CLEC6A: variants seen among roughly 807,000 people sequenced by gnomAD.
CLEC6A encodes the protein C-type lectin domain family 6 member A.
Under a neutral mutation model 25.7 loss-of-function variants are expected in CLEC6A, and 22 were observed. The observed-to-expected ratio is 0.85, with a 90% CI of 0.61 to 1.22. The LOEUF is 1.22. Ranked by LOEUF, CLEC6A falls within the 50% of genes most tolerant of loss-of-function variation. The pLI, the probability that CLEC6A is intolerant of heterozygous loss-of-function variation, is 0.00. For missense variants in CLEC6A, 240 were observed against 236.8 expected (o/e 1.01, Z -0.09); for synonymous variants, 92 against 76.7 (o/e 1.20, Z -1.04).
chr12:8,465,731 A>G (rs1199312373), intron 4 of CLEC6A, 102 bp downstream of exon 4: 3 of 922,540 alleles, frequency 3.3e-6, no homozygotes, highest in East Asian at 2.9e-5. Flanking sequence ...AGCATTTACT[A>G]TTTTCACATT....
At chr12:8,457,245 C>A (rs1302702872) in intron 1 of CLEC6A, among the ~76,000 whole-genome samples, 2 of 152,136 alleles carry the variant, frequency 1.3e-5, no homozygotes, top group African/African-American at 2.4e-5. Context: ...CCTTCCTGGC[C>A]TCTGGTAACC....
intron 4 of CLEC6A, among the ~76,000 whole-genome samples, chr12:8,469,499 C>G (rs1939877125): frequency 6.6e-6 from 1 of 151,670 alleles, no homozygotes; most frequent in African/African-American, 2.4e-5. Context: ...GCAAAAAGAA[C>G]AGATCTGGAG....
At chr12:8,466,509 T>C (rs7312713) in intron 4 of CLEC6A, among the ~76,000 whole-genome samples, 117,571 of 152,108 alleles carry the variant, frequency 0.77, 45,906 homozygotes, top group East Asian at 0.99. Context: ...AGCAAGAGTA[T>C]CCAAGGGTCT....
rs4509824 is a variant in CLEC6A at position 8,478,202 on chromosome 12, T to A, written c.*738T>A. Reference sequence around the variant, plus strand: ...AGCATTTCTTGTTACCCAAATCTAATCTATTCCTGAAAATATGATGGTTAG... The same window carrying A: ...AGCATTTCTTGTTACCCAAATCTAAACTATTCCTGAAAATATGATGGTTAG... On this transcript the variant is annotated 3_prime_UTR_variant, in exon 6 of 6. Coordinates refer to ENST00000382073, the MANE Select transcript of CLEC6A (RefSeq NM_001007033.2). The A allele has an allele frequency of 6.6e-6, 1 of 151,872 alleles. No homozygotes were observed. Among genetic ancestry groups the A allele is most frequent in the African/African-American group, 2.4e-5 (1 of 41,378 alleles). The allele number at this position is 151,872 out of a possible 1,614,324, so 9.4% of individuals were successfully genotyped here.
At chr12:8,468,035 A>G (rs1038578487) in intron 4 of CLEC6A, among the ~76,000 whole-genome samples, 5 of 151,882 alleles carry the variant, frequency 3.3e-5, no homozygotes, top group Non-Finnish European at 7.4e-5. Flanking sequence ...TCTGCCTCCC[A>G]GGTTCAAATG....
intron 5 of CLEC6A, among the ~76,000 whole-genome samples, chr12:8,476,497 A>G (rs903329610): frequency 6.6e-6 from 1 of 152,124 alleles, no homozygotes; most frequent in Admixed American, 6.6e-5. Context: ...CTCCATGTCT[A>G]TCTGATTCCA....
At chr12:8,463,702 T>C (rs1939793046) in intron 3 of CLEC6A, among the ~76,000 whole-genome samples, 1 of 152,252 alleles carries the variant, frequency 6.6e-6, no homozygotes, top group African/African-American at 2.4e-5. Flanking sequence ...TCAGTAGTTA[T>C]TTGCTTTCTC....
At chr12:8,467,588 T>C (rs1939849353) in intron 4 of CLEC6A, among the ~76,000 whole-genome samples, 2 of 152,212 alleles carry the variant, frequency 1.3e-5, no homozygotes, top group South Asian at 4.1e-4. Flanking sequence ...CTTCGATTAC[T>C]GTAGCTTTGG....
intron 4 of CLEC6A, among the ~76,000 whole-genome samples, chr12:8,472,363 G>A (rs2136365235): frequency 6.6e-6 from 1 of 152,268 alleles, no homozygotes; most frequent in Middle Eastern, 3.4e-3. Context: ...AATATGTTGT[G>A]TTTCCTATTA....
intron 3 of CLEC6A, among the ~76,000 whole-genome samples, chr12:8,460,149 T>G (rs764904514): frequency 2.6e-4 from 40 of 152,238 alleles, no homozygotes; most frequent in Non-Finnish European, 5.1e-4. Context: ...TAACTTCATA[T>G]GCGGAGAGTT....
At chr12:8,476,081 TG>T in intron 4 of CLEC6A, 43 bp from the exon 5 acceptor site, 2 of 1,293,678 alleles carry the variant, frequency 1.5e-6, no homozygotes, top group Non-Finnish European at 2.2e-6. Context: ...CTGTTCAATC[TG>T]GAAATACCAA....
chr12:8,468,194 C>T (rs10841692), intron 4 of CLEC6A, among the ~76,000 whole-genome samples: 117,832 of 152,184 alleles, frequency 0.77, 46,060 homozygotes, highest in East Asian at 0.99. Context: ...CCACCCACCT[C>T]GGCCTCCCAA....
At chr12:8,471,518 A>G (rs1023814403) in intron 4 of CLEC6A, among the ~76,000 whole-genome samples, 11 of 151,880 alleles carry the variant, frequency 7.2e-5, no homozygotes, top group African/African-American at 2.4e-4. Flanking sequence ...GGCAGGTGGT[A>G]TGTTTCTAGA....
chr12:8,457,938 T>A lies in CLEC6A; in HGVS notation c.72T>A (p.Ala24=). 6.2e-7 allele frequency: 1 copy of A among 1,614,124 alleles called. No homozygotes were observed. Among genetic ancestry groups the A allele is most frequent in the Admixed American group, 1.7e-5 (1 of 60,018 alleles). ...TGTCCCTGAGACTCTGGTCTGTGGC[T>A]GGGATTTCCATTGCACTCCTCAGTG... ...GWLSLRLWSV[A]GISIALLSAC... Residue 24 remains alanine (A), a synonymous_variant, in exon 2 of 6, where the codon GCT becomes GCA. Coordinates refer to ENST00000382073, the MANE Select transcript of CLEC6A (RefSeq NM_001007033.2).
At chr12:8,463,570 G>C (rs1168193085) in intron 3 of CLEC6A, among the ~76,000 whole-genome samples, 11 of 152,144 alleles carry the variant, frequency 7.2e-5, no homozygotes, top group African/African-American at 2.7e-4. Flanking sequence ...ATAGTGATCT[G>C]TTGTCAAAAA....
Position 8,465,624 on chromosome 12 carries a change from G to A in CLEC6A, c.364G>A (p.Glu122Lys). Reference sequence around the variant, plus strand: ...TTTGGTTGTGTTCAACACAGAAGCAGAGCAGGTACTGTTTCCATTTAAAAT... The same window carrying A: ...TTTGGTTGTGTTCAACACAGAAGCAAAGCAGGTACTGTTTCCATTTAAAAT... ...AHLVVFNTEA[E>K]QNFIVQQLNE... The change falls in exon 4 of 6, where the codon GAG (glutamate) becomes AAG (lysine). Residue 122 changes from glutamate to lysine, a missense_variant. Physicochemically the swap from Glu to Lys is moderately conservative, Grantham distance 56. Coordinates refer to ENST00000382073, the MANE Select transcript of CLEC6A (RefSeq NM_001007033.2). The A allele has an allele frequency of 6.2e-7, 1 of 1,607,628 alleles. No individual in the cohort carries two copies. The highest frequency in any genetic ancestry group is 1.1e-5 in the South Asian group (1 of 89,338).
At chr12:8,473,700 AT>A (rs1345068527) in intron 4 of CLEC6A, among the ~76,000 whole-genome samples, 2 of 152,128 alleles carry the variant, frequency 1.3e-5, no homozygotes, top group Non-Finnish European at 2.9e-5. Context: ...CCAGCAATGT[AT>A]GTAAGTGTTC....
intron 3 of CLEC6A, among the ~76,000 whole-genome samples, chr12:8,461,644 TAAC>T (rs1451816166): frequency 1.3e-5 from 2 of 152,220 alleles, no homozygotes; most frequent in South Asian, 2.1e-4. Flanking sequence ...GCTCCAATTT[TAAC>T]AACATCCTTT....
chr12:8,462,392 T>A (rs1468405930), intron 3 of CLEC6A, among the ~76,000 whole-genome samples: 1 of 132,574 alleles, frequency 7.5e-6, no homozygotes, highest in East Asian at 2.2e-4. Flanking sequence ...GAGGAAGGCA[T>A]GCCTCTTTGC....
Sources: gnomAD v4.1 joint callset for allele counts (sites outside exome capture counted in the v4.1 genomes callset) on GRCh38, gnomAD v4.1.1 for gene constraint, MANE v1.5 for transcripts, NCBI Gene and HGNC (gene_info 2026-07-23, HGNC 2026-07-21) for gene names.